The following XXYLT1 variants were observed in gnomAD, a reference collection of about 807,000 sequenced individuals.
The protein encoded by XXYLT1 is xyloside xylosyltransferase 1, also known as UDP-xylose:alpha-xyloside alpha-1,3-xylosyltransferase.
A neutral mutation model predicts 28.9 loss-of-function variants in XXYLT1; 20 were observed. The observed-to-expected ratio is 0.69, with a 90% CI of 0.49 to 1.00. The LOEUF (loss-of-function observed/expected upper bound fraction) is 1.00, where lower values mean the gene tolerates loss of function less well. XXYLT1 is among the 50% of genes least tolerant of loss of function. The probability of loss-of-function intolerance (pLI) is 0.00; values close to 1 mark genes in which losing one functional copy is unlikely to be tolerated. For synonymous variants in XXYLT1, 257 were observed against 253.8 expected, an observed-to-expected ratio of 1.01 and a Z score of -0.12; for missense variants, 542 against 560.1, an observed-to-expected ratio of 0.97 and a Z score of 0.33.
chr3:195,211,476 TAACAA>T (rs1198260649), intron 2 of XXYLT1, among the ~76,000 whole-genome samples: 3 of 152,214 alleles, frequency 2.0e-5, no homozygotes, highest in Non-Finnish European at 4.4e-5. Flanking sequence ...AGATAACACC[TAACAA>T]AACGGTATTC....
chr3:195,158,411 T>A (rs897604801), intron 2 of XXYLT1, among the ~76,000 whole-genome samples: 2 of 152,226 alleles, frequency 1.3e-5, no homozygotes, highest in Non-Finnish European at 2.9e-5. Context: ...AGCATCTTCA[T>A]CTTGTCTTAA....
At chr3:195,202,808 G>A (rs1331842030) in intron 2 of XXYLT1, among the ~76,000 whole-genome samples, 1 of 152,146 alleles carries the variant, frequency 6.6e-6, no homozygotes, top group Non-Finnish European at 1.5e-5. Context: ...GAAGATAGTA[G>A]GCCATAACTA....
In XXYLT1 at chr3:195,156,549, G is replaced by A. The variant is rs1222778977; in HGVS notation, c.685C>T (p.Leu229=). 1.9e-6 allele frequency: 3 copies of A among 1,614,092 alleles called. No individual in the cohort carries two copies. Among genetic ancestry groups the A allele is most frequent in the Non-Finnish European group, 2.5e-6 (3 of 1,180,054 alleles). ...ILQIIQLDLD[L]KFKTNIRELF... ...TCCCGGATGTTGGTCTTAAACTTCA[G>A]GTCTAGGTCCAGCTGAATGATCTGC... The change falls in exon 3 of 4, where the codon CTG becomes TTG. Residue 229 remains leucine, a synonymous_variant. Transcript: ENST00000310380.
intron 3 of XXYLT1, among the ~76,000 whole-genome samples, chr3:195,108,407 T>G (rs1717266639): frequency 6.6e-6 from 1 of 152,240 alleles, no homozygotes; most frequent in South Asian, 2.1e-4. Flanking sequence ...CTTCCTAGTT[T>G]TTTAGAAAAT....
intron 1 of XXYLT1, among the ~76,000 whole-genome samples, chr3:195,264,279 A>G (rs978517458): frequency 1.2e-4 from 19 of 152,212 alleles, no homozygotes; most frequent in Admixed American, 5.2e-4. Flanking sequence ...CCTTCTGGAG[A>G]TTACCTTCCA....
chr3:195,245,161 T>G (rs1443258058), intron 1 of XXYLT1, among the ~76,000 whole-genome samples: 1 of 130,974 alleles, frequency 7.6e-6, no homozygotes, highest in Non-Finnish European at 1.6e-5. Flanking sequence ...CCAAGAAAAT[T>G]TTTTTTTTTT....
chr3:195,110,217 TGTG>T (rs1442030355), intron 3 of XXYLT1, among the ~76,000 whole-genome samples: 66 of 73,580 alleles, frequency 9.0e-4, no homozygotes, highest in East Asian at 1.7e-3. Flanking sequence ...TGTGTGCGTG[TGTG>T]GTGTATAAGT....
At chr3:195,120,199 AC>A (rs1240906491) in intron 3 of XXYLT1, among the ~76,000 whole-genome samples, 6 of 150,584 alleles carry the variant, frequency 4.0e-5, no homozygotes, top group African/African-American at 1.5e-4. Flanking sequence ...CAAAGGCCTC[AC>A]CCCCACCCAC....
chr3:195,080,547 G>GT (rs201420203), intron 3 of XXYLT1, among the ~76,000 whole-genome samples: 1,979 of 151,838 alleles, frequency 0.013, 39 homozygotes, highest in African/African-American at 0.045. Context: ...GGGAGCGGGG[G>GT]TGGGGGGGAT....
intron 3 of XXYLT1, among the ~76,000 whole-genome samples, chr3:195,112,566 A>C (rs1717808991): frequency 6.8e-6 from 1 of 147,954 alleles, no homozygotes; most frequent in African/African-American, 2.5e-5. Flanking sequence ...TAGATGAAGC[A>C]GTGCACACAC....
At chr3:195,250,476 A>G (rs1032229799) in intron 1 of XXYLT1, among the ~76,000 whole-genome samples, 1 of 151,828 alleles carries the variant, frequency 6.6e-6, no homozygotes, top group Non-Finnish European at 1.5e-5. Context: ...AGGCCAGAGA[A>G]TCACTTGAAC....
At chr3:195,126,795 C>T (rs1434738114) in intron 3 of XXYLT1, among the ~76,000 whole-genome samples, 1 of 152,236 alleles carries the variant, frequency 6.6e-6, no homozygotes, top group East Asian at 1.9e-4. Context: ...GGAGCAAAGG[C>T]ACAGCCTCCC....
chr3:195,113,221 C>T (rs868146628), intron 3 of XXYLT1, among the ~76,000 whole-genome samples: 6 of 152,182 alleles, frequency 3.9e-5, no homozygotes, highest in Middle Eastern at 3.2e-3. Flanking sequence ...GAAAACATCT[C>T]CCACTGATTT....
In XXYLT1 at chr3:195,150,888, CCT is replaced by C. The variant is rs1004270596; in HGVS notation, c.785+5559_785+5560del. The stretch of plus-strand genomic sequence containing the variant: ...CACACACTCTCTCCCTCTCCCTCTC[CCT>C]CTCTCTCTCTCCATCACTCCAGGGT... On this transcript the variant is annotated intron_variant, in intron 3 of 3. Transcript: ENST00000310380. This position sits in a 1 kb window ranked among gnomAD's most constrained non-coding sequence, Gnocchi z 4.7. Among the ~76,000 whole-genome samples, 2 of 119,968 alleles carry C rather than the reference CCT, an allele frequency of 1.7e-5. No individual in the cohort carries two copies. The highest frequency in any genetic ancestry group is 3.2e-5 in the African/African-American group (1 of 31,086). The allele number at this position is 119,968 out of a possible 152,430, so 78.7% of individuals were successfully genotyped here.
intron 2 of XXYLT1, chr3:195,175,863 C>A: frequency 1.1e-5 from 15 of 1,403,814 alleles, no homozygotes; most frequent in East Asian, 2.7e-5. Context: ...CCTAGAAAGC[C>A]AATGCATCCA....
chr3:195,156,671 A>C, intron 2 of XXYLT1, 90 bp from the exon 3 acceptor site: 1 of 1,516,072 alleles, frequency 6.6e-7, no homozygotes. Context: ...GGCAGAGAAA[A>C]GGGCACTGGA....
intron 2 of XXYLT1, among the ~76,000 whole-genome samples, chr3:195,201,329 C>A (rs948797867): frequency 6.6e-6 from 1 of 152,204 alleles, no homozygotes; most frequent in African/African-American, 2.4e-5. Flanking sequence ...CTCTATCTAT[C>A]CTGGGGTCCC....
chr3:195,103,959 A>G (rs559031527), intron 3 of XXYLT1, among the ~76,000 whole-genome samples: 49 of 152,384 alleles, frequency 3.2e-4, no homozygotes, highest in African/African-American at 1.2e-3. Flanking sequence ...GGTTTGACGC[A>G]CTAGAAGTTC....
At chr3:195,158,057 C>T (rs1240962720) in intron 2 of XXYLT1, among the ~76,000 whole-genome samples, 1 of 152,208 alleles carries the variant, frequency 6.6e-6, no homozygotes, top group Non-Finnish European at 1.5e-5. Context: ...ATTTAAGGAA[C>T]TTGGGATAAT....
Sources: gnomAD v4.1 joint callset for allele counts (sites outside exome capture counted in the v4.1 genomes callset) on GRCh38, gnomAD v4.1.1 for gene constraint, Gnocchi (gnomAD v3.1) non-coding constraint, MANE v1.5 for transcripts, NCBI Gene and HGNC (gene_info 2026-07-23, HGNC 2026-07-21) for gene names.